ANKS1A: variants seen among roughly 807,000 people sequenced by gnomAD.
The protein encoded by ANKS1A is ankyrin repeat and sterile alpha motif domain containing 1A.
ANKS1A carries 55 observed loss-of-function variants against 120.3 expected under a neutral mutation model. The ratio of observed to expected loss-of-function variants is 0.46; its 90% CI spans 0.37 to 0.57. The LOEUF (loss-of-function observed/expected upper bound fraction) is 0.57. Among genes scored for constraint, ANKS1A ranks in the 20% least tolerant of loss-of-function variants. The pLI is 0.00. For missense variants in ANKS1A, 1,123 were observed against 1,480.3 expected, an observed-to-expected ratio of 0.76 and a Z score of 3.96; for synonymous variants, 590 against 604.7, an observed-to-expected ratio of 0.98 and a Z score of 0.36.
intron 3 of ANKS1A, among the ~76,000 whole-genome samples, chr6:34,973,954 C>G (rs1302388227): frequency 1.2e-5 from 1 of 85,132 alleles, no homozygotes; most frequent in African/African-American, 4.7e-5. Flanking sequence ...CCTTCCCTTC[C>G]CCTTCCCCTT....
At position 34,907,073 on chromosome 6, in the gene ANKS1A, A is replaced by G. The variant is rs370652961; in HGVS notation, c.197+17474A>G. 1.2e-3 allele frequency among the ~76,000 whole-genome samples: 188 copies of G among 152,332 alleles called. 1 individual carries two copies. The highest frequency in any genetic ancestry group is 4.2e-3 in the African/African-American group (176 of 41,580). On this transcript the variant is annotated intron_variant, in intron 1 of 23. Transcript: ENST00000360359. ...CCAAATCCATAACCTCAGTCTAATCATGAGAAAACAGAAACACAAATTGAA... is the reference window on the plus strand; with the variant it reads ...CCAAATCCATAACCTCAGTCTAATCGTGAGAAAACAGAAACACAAATTGAA...
chr6:35,016,702 G>A (rs1249516933), intron 10 of ANKS1A, among the ~76,000 whole-genome samples: 1 of 150,008 alleles, frequency 6.7e-6, no homozygotes, highest in Admixed American at 6.7e-5. Context: ...ATCAACTAAG[G>A]TTAAACTTAA....
downstream of ANKS1A, among the ~76,000 whole-genome samples, chr6:35,093,155 A>G (rs949039476): frequency 2.6e-5 from 4 of 152,154 alleles, no homozygotes; most frequent in African/African-American, 9.7e-5. Flanking sequence ...TGCAGCCTCT[A>G]CGACTTTGAG....
intron 1 of ANKS1A, among the ~76,000 whole-genome samples, chr6:34,942,848 C>G (rs1769598716): frequency 6.6e-6 from 1 of 151,190 alleles, no homozygotes; most frequent in African/African-American, 2.4e-5. Flanking sequence ...CCCCATCCTT[C>G]TTTTCTTTTC....
chr6:34,956,537 A>G (rs1360300304), intron 1 of ANKS1A, among the ~76,000 whole-genome samples: 1 of 152,088 alleles, frequency 6.6e-6, no homozygotes, highest in Non-Finnish European at 1.5e-5. Context: ...GGGTTATGGG[A>G]TAGGAGCCCC....
At chr6:35,028,263 C>T (rs1774728518) in intron 11 of ANKS1A, among the ~76,000 whole-genome samples, 1 of 152,176 alleles carries the variant, frequency 6.6e-6, no homozygotes, top group Non-Finnish European at 1.5e-5. Context: ...GCCCTCTGTA[C>T]TGGGCCAAAG....
intron 10 of ANKS1A, among the ~76,000 whole-genome samples, chr6:35,004,084 CG>C (rs1225843579): frequency 6.6e-6 from 1 of 152,144 alleles, no homozygotes; most frequent in African/African-American, 2.4e-5. Flanking sequence ...CTCTAACCAC[CG>C]GTGCATGCAG....
intron 11 of ANKS1A, among the ~76,000 whole-genome samples, chr6:35,031,052 G>A (rs1561925918): frequency 6.6e-6 from 1 of 152,154 alleles, no homozygotes; most frequent in Admixed American, 6.5e-5. Flanking sequence ...AAACTTAAGG[G>A]TTCAATCTGT....
At chr6:34,943,008 GC>G (rs1234614637) in intron 1 of ANKS1A, among the ~76,000 whole-genome samples, 1 of 144,902 alleles carries the variant, frequency 6.9e-6, no homozygotes, top group Non-Finnish European at 1.5e-5. Context: ...CCCTCTGTTG[GC>G]CAGGCTGGAG....
At chr6:34,943,191 G>T (rs1158613349) in intron 1 of ANKS1A, among the ~76,000 whole-genome samples, 1 of 152,186 alleles carries the variant, frequency 6.6e-6, no homozygotes, top group Non-Finnish European at 1.5e-5. Context: ...TTGGGCTGAA[G>T]TGATCATTCT....
At chr6:34,948,805 C>T (rs1053849248) in intron 1 of ANKS1A, among the ~76,000 whole-genome samples, 4 of 152,096 alleles carry the variant, frequency 2.6e-5, no homozygotes, top group Non-Finnish European at 5.9e-5. Context: ...TGAATGTTCA[C>T]GGATCTTGGT....
chr6:35,020,939 A>G (rs1774301727), intron 11 of ANKS1A, among the ~76,000 whole-genome samples: 1 of 152,216 alleles, frequency 6.6e-6, no homozygotes, highest in East Asian at 1.9e-4. Context: ...CTTAAAGGCA[A>G]TTGAGGTCTT....
intron 1 of ANKS1A, among the ~76,000 whole-genome samples, chr6:34,966,286 GA>G (rs1331661472): frequency 6.6e-6 from 1 of 152,174 alleles, no homozygotes; most frequent in Non-Finnish European, 1.5e-5. Context: ...TTAATATTAA[GA>G]AACCTATTGA....
Position 34,962,856 on chromosome 6 carries a change from CTTCT to C in ANKS1A, c.198-4376_198-4373del, listed in dbSNP as rs529495691. Among the ~76,000 whole-genome samples the C allele has an allele frequency of 4.2e-3, 632 of 151,332 alleles. 4 individuals carry two copies. Among genetic ancestry groups the C allele is most frequent in the African/African-American group, 0.014 (589 of 41,322 alleles). On this transcript the variant is annotated intron_variant, in intron 1 of 23. Coordinates refer to ENST00000360359, the MANE Select transcript of ANKS1A (RefSeq NM_015245.3). ...CACTTAGTGCTTTTTTCTTTCTTTC[CTTCT>C]TTCTTTTTTTTTTTCTTTTGAGATG...
chr6:34,889,474 C>G lies in ANKS1A; in HGVS notation c.72C>G (p.Ser24=). ...TCCCGGCGGTGGAGAAGCTGCTGTC[C>G]GGGAAGCGGCTCTCCTCAGGCTTTG... The part of the protein sequence containing the change: ...GHLPAVEKLL[S]GKRLSSGFGG... Residue 24 remains serine, a synonymous_variant, in exon 1 of 24, where the codon TCC becomes TCG. Transcript: ENST00000360359. This position sits in a 1 kb window ranked among gnomAD's most constrained non-coding sequence, Gnocchi z 5.5. 1 of 1,286,078 alleles carries G rather than the reference C, an allele frequency of 7.8e-7. No homozygotes were observed. Among genetic ancestry groups the G allele is most frequent in the Non-Finnish European group, 9.8e-7 (1 of 1,022,312 alleles). 79.7% of individuals were successfully genotyped at this position (1,286,078 alleles called of 1,614,324 possible).
In ANKS1A at chr6:34,981,678, T is replaced by A. The variant is rs763860633; in HGVS notation, c.436-12T>A. ...TGACCTTTCTGATGTGATCTGCTTG[T>A]TAACCCTTTAGAACAATGACAACGA... is the stretch of plus-strand genomic sequence containing the variant. On this transcript the variant is annotated splice_polypyrimidine_tract_variant and intron_variant, in intron 3 of 23. Transcript: ENST00000360359. 2 of 1,612,612 alleles carry A rather than the reference T, an allele frequency of 1.2e-6. No individual in the cohort carries two copies. The highest frequency in any genetic ancestry group is 1.7e-6 in the Non-Finnish European group (2 of 1,178,864).
chr6:34,892,607 T>C (rs1437313276), intron 1 of ANKS1A, among the ~76,000 whole-genome samples: 1 of 152,250 alleles, frequency 6.6e-6, no homozygotes, highest in Non-Finnish European at 1.5e-5. Context: ...ACAAAGGCTT[T>C]GTGTTTATTC....
intron 1 of ANKS1A, among the ~76,000 whole-genome samples, chr6:34,934,277 A>G (rs893194678): frequency 3.3e-5 from 5 of 152,162 alleles, no homozygotes; most frequent in Middle Eastern, 3.4e-3. Context: ...CCTCCGGAGC[A>G]GCTGGGACTA....
intron 1 of ANKS1A, among the ~76,000 whole-genome samples, chr6:34,896,735 C>T (rs1292173056): frequency 6.6e-6 from 1 of 152,052 alleles, no homozygotes; most frequent in South Asian, 2.1e-4. Context: ...GAGGCTGAGG[C>T]GGGTGGATCA....
Sources: allele counts gnomAD v4.1 joint callset (sites outside exome capture counted in the v4.1 genomes callset), GRCh38; gene constraint gnomAD v4.1.1; non-coding constraint Gnocchi (gnomAD v3.1); transcripts MANE v1.5; gene names NCBI Gene and HGNC (gene_info 2026-07-23, HGNC 2026-07-21).